Variants in AGMO observed in about 807,000 individuals in gnomAD.
AGMO encodes glyceryl-ether monooxygenase.
In AGMO, 75 loss-of-function variants were observed where a neutral mutation model predicts 60.2. That is an observed-to-expected ratio of 1.25 (90% confidence interval 1.03 to 1.51). The LOEUF is 1.51. Ranked by LOEUF, AGMO falls within the 40% of genes most tolerant of loss-of-function variation. The pLI is 0.00. For missense variants in AGMO, 763 were observed against 525.5 expected, an observed-to-expected ratio of 1.45 and a Z score of -4.42; for synonymous variants, 261 against 177.1, an observed-to-expected ratio of 1.47 and a Z score of -3.76.
At chr7:15,379,816 A>G (rs1783603140) in intron 10 of AGMO, among the ~76,000 whole-genome samples, 1 of 152,152 alleles carries the variant, frequency 6.6e-6, no homozygotes, top group Admixed American at 6.6e-5. Flanking sequence ...ATCCACCATG[A>G]TTAAATGGGC....
intron 12 of AGMO, among the ~76,000 whole-genome samples, chr7:15,357,389 C>T (rs1782579530): frequency 6.6e-6 from 1 of 151,990 alleles, no homozygotes; most frequent in Non-Finnish European, 1.5e-5. Flanking sequence ...TGACAATACA[C>T]TAACCACCAC....
At chr7:15,349,013 TTG>T (rs1782133829) in intron 12 of AGMO, among the ~76,000 whole-genome samples, 1 of 151,916 alleles carries the variant, frequency 6.6e-6, no homozygotes, top group South Asian at 2.1e-4. Flanking sequence ...GTGATTCACA[TTG>T]TGACTTATTT....
chr7:15,408,192 A>T (rs1784754331), intron 5 of AGMO, among the ~76,000 whole-genome samples: 1 of 151,850 alleles, frequency 6.6e-6, no homozygotes, highest in Admixed American at 6.6e-5. Context: ...ATGGGATGGG[A>T]TGGGAGTTGT....
intron 2 of AGMO, among the ~76,000 whole-genome samples, chr7:15,551,478 T>C (rs1276818605): frequency 6.7e-6 from 1 of 149,646 alleles, no homozygotes; most frequent in Admixed American, 6.7e-5. Flanking sequence ...AGTCTCAGGA[T>C]ACAAAATCAA....
At chr7:15,149,662 A>G in the AGMO span, among the ~76,000 whole-genome samples, 201 of 152,092 alleles carry the variant, frequency 1.3e-3, 1 homozygote, top group African/African-American at 4.7e-3. Context: ...AACCTGTTCT[A>G]TTGGTCTATG....
the AGMO span, among the ~76,000 whole-genome samples, chr7:15,145,329 T>TA: frequency 6.6e-6 from 1 of 151,998 alleles, no homozygotes; most frequent in Admixed American, 6.6e-5. Context: ...TCCTATAAAA[T>TA]AAAATAGCAC....
intron 3 of AGMO, among the ~76,000 whole-genome samples, chr7:15,508,899 T>C (rs1431795246): frequency 1.3e-5 from 2 of 152,192 alleles, no homozygotes; most frequent in African/African-American, 2.4e-5. Context: ...ATGTATGTCA[T>C]GCTTTCTACA....
At chr7:15,357,358 C>T (rs1346579677) in intron 12 of AGMO, among the ~76,000 whole-genome samples, 1 of 152,032 alleles carries the variant, frequency 6.6e-6, no homozygotes, top group African/African-American at 2.4e-5. Flanking sequence ...TTTAGGATGA[C>T]TTCAGACAAA....
At chr7:15,286,295 T>C (rs182346829) in intron 12 of AGMO, among the ~76,000 whole-genome samples, 86 of 152,084 alleles carry the variant, frequency 5.7e-4, no homozygotes, top group Admixed American at 1.2e-3. Flanking sequence ...AACCACAGAA[T>C]GGCAGAAAGT....
intron 10 of AGMO, among the ~76,000 whole-genome samples, chr7:15,380,837 T>G (rs551689876): frequency 6.6e-6 from 1 of 152,146 alleles, no homozygotes; most frequent in East Asian, 1.9e-4. Flanking sequence ...AACAGTCACA[T>G]AGACCAATGG....
Position 15,460,145 on chromosome 7 carries a change from C to T in AGMO, c.410-29037G>A, listed in dbSNP as rs1046973376. On this transcript the variant is annotated intron_variant, in intron 3 of 12. Transcript: ENST00000342526. ...TTTTTGAGAAGGTGTCTTGCTCTGT[C>T]CCCCAGGCCGGAGTGCAGTGGCGTG... is the stretch of plus-strand genomic sequence containing the variant. Among the ~76,000 whole-genome samples the T allele has an allele frequency of 4.1e-3, 568 of 136,950 alleles. 4 individuals carry two copies. The highest frequency in any genetic ancestry group is 0.015 in the African/African-American group (536 of 35,552). The allele number at this position is 136,950 out of a possible 152,430, so 89.8% of individuals were successfully genotyped here.
At chr7:15,229,554 G>A (rs1316951295) in intron 12 of AGMO, among the ~76,000 whole-genome samples, 1 of 148,696 alleles carries the variant, frequency 6.7e-6, no homozygotes, top group African/African-American at 2.5e-5. Flanking sequence ...ATAACCCTTT[G>A]AAAAGTGAGT....
At chr7:15,426,205 A>C (rs527817451) in intron 4 of AGMO, among the ~76,000 whole-genome samples, 1 of 152,292 alleles carries the variant, frequency 6.6e-6, no homozygotes, top group East Asian at 1.9e-4. Context: ...TTTAGCAAAA[A>C]TATTTCCATT....
chr7:15,353,384 T>C (rs769700692), intron 12 of AGMO, among the ~76,000 whole-genome samples: 46 of 152,166 alleles, frequency 3.0e-4, no homozygotes, highest in African/African-American at 1.1e-3. Flanking sequence ...TTAATGGGGA[T>C]TGTATTCATG....
chr7:15,469,088 C>G lies in AGMO; in HGVS notation c.410-37980G>C, dbSNP rs555017180. Among the ~76,000 whole-genome samples the G allele has an allele frequency of 4.6e-5, 7 of 152,144 alleles. No individual in the cohort carries two copies. In the South Asian group the frequency reaches 1.5e-3, roughly 32 times the overall value. On this transcript the variant is annotated intron_variant, in intron 3 of 12. Transcript: ENST00000342526. ...GGGAATGTACGGGTTGTTTTCGTTG[C>G]ATGTTACACAGTGAGTGTATAATAA...
At chr7:15,206,389 G>A (rs1263599083) in intron 12 of AGMO, among the ~76,000 whole-genome samples, 1 of 151,898 alleles carries the variant, frequency 6.6e-6, no homozygotes, top group Non-Finnish European at 1.5e-5. Context: ...AGAAAATGTT[G>A]AAGAAATAAA....
At chr7:15,535,836 T>TTATTATTA (rs1784472974) in intron 3 of AGMO, among the ~76,000 whole-genome samples, 1 of 151,906 alleles carries the variant, frequency 6.6e-6, no homozygotes, top group African/African-American at 2.4e-5. Context: ...AATAATTAAA[T>TTATTATTA]TATTATTAAC....
chr7:15,119,405 T>C, the AGMO span, among the ~76,000 whole-genome samples: 24 of 152,076 alleles, frequency 1.6e-4, no homozygotes, highest in Non-Finnish European at 2.5e-4. Flanking sequence ...AGTTTAATAC[T>C]TATAATTTCT....
In AGMO at chr7:15,363,079, T is replaced by C. The variant is rs148775963; in HGVS notation, c.1263+2435A>G. Among the ~76,000 whole-genome samples the C allele has an allele frequency of 6.5e-3, 983 of 152,308 alleles. 4 individuals are homozygous for C. The highest frequency in any genetic ancestry group is 0.01 in the Non-Finnish European group (698 of 68,022). ...TGAATACTGAATGGAATAATACTAG[T>C]AAGGCATTTAGAACGTAGTAAGAGC... On this transcript the variant is annotated intron_variant, in intron 12 of 12. Coordinates refer to ENST00000342526, the MANE Select transcript of AGMO (RefSeq NM_001004320.2).
Sources: gnomAD v4.1 joint callset for allele counts (sites outside exome capture counted in the v4.1 genomes callset) on GRCh38, gnomAD v4.1.1 for gene constraint, MANE v1.5 for transcripts, NCBI Gene and HGNC (gene_info 2026-07-23, HGNC 2026-07-21) for gene names.